The following SPATA13 variants were observed in gnomAD, a reference collection of about 807,000 sequenced individuals.
SPATA13 encodes the protein spermatogenesis-associated protein 13.
In SPATA13, 50 loss-of-function variants were observed where a neutral mutation model predicts 104.0. The observed-to-expected ratio is 0.48, with a 90% confidence interval of 0.38 to 0.61. SPATA13 has a LOEUF of 0.61. SPATA13 is among the 20% of genes least tolerant of loss of function. The pLI, the probability that SPATA13 is intolerant of heterozygous loss-of-function variation, is 0.00. For missense variants in SPATA13, 1,524 were observed against 1,690.6 expected (o/e 0.90, Z 1.73); for synonymous variants, 606 against 667.5 (o/e 0.91, Z 1.42).
chr13:24,251,899 T>C, intron 4 of SPATA13, 37 bp downstream of exon 4: 1 of 1,590,816 alleles, frequency 6.3e-7, no homozygotes, highest in Non-Finnish European at 8.6e-7. Flanking sequence ...AGAGCTGCTA[T>C]GGGCCCATCT....
At chr13:24,125,409 AG>A (rs1182732348) in intron 3 of SPATA13, among the ~76,000 whole-genome samples, 1 of 152,142 alleles carries the variant, frequency 6.6e-6, no homozygotes, top group African/African-American at 2.4e-5. Flanking sequence ...GGCAAAGCAA[AG>A]GCAGGAACCA....
In SPATA13 at chr13:24,161,510, A is replaced by G. The variant is rs1015875775; in HGVS notation, c.-112+578A>G. Among the ~76,000 whole-genome samples, 4 of 152,172 alleles carry G rather than the reference A, an allele frequency of 2.6e-5. No homozygotes were observed. The highest frequency in any genetic ancestry group is 9.7e-5 in the African/African-American group (4 of 41,430). On this transcript the variant is annotated intron_variant, in intron 1 of 12. Coordinates refer to ENST00000382108, the MANE Select transcript of SPATA13 (RefSeq NM_001166271.3). This position sits in a 1 kb window ranked among gnomAD's most constrained non-coding sequence, Gnocchi z 4.5. ...ATCGTCTGTGGACTGCAGGGAATGC[A>G]TTGGCGGAGTTGGTTTGGTCCCATT...
rs1475669838 is a variant in SPATA13 at position 24,214,744 on chromosome 13, A to T, written c.-111-8075A>T. 4.6e-5 allele frequency among the ~76,000 whole-genome samples: 7 copies of T among 151,602 alleles called. No homozygotes were observed. The East Asian group carries it at 1.4e-3, about 29-fold the overall frequency. On this transcript the variant is annotated intron_variant, in intron 1 of 12. Transcript: ENST00000382108. The stretch of plus-strand genomic sequence containing the variant: ...TGTTTCCCTCCTTAGTTGCATGGGG[A>T]CTCTCACTTCCCATTTGCTTCTGCC...
intron 3 of SPATA13, among the ~76,000 whole-genome samples, chr13:24,103,197 T>TA (rs1327364834): frequency 6.6e-6 from 1 of 151,516 alleles, no homozygotes; most frequent in Non-Finnish European, 1.5e-5. Context: ...AAATACAGAG[T>TA]AGTTATTGAC....
At chr13:24,085,333 G>A (rs757288687) in intron 3 of SPATA13, among the ~76,000 whole-genome samples, 78 of 152,174 alleles carry the variant, frequency 5.1e-4, no homozygotes, top group Non-Finnish European at 8.7e-4. Context: ...CGCCATGTTA[G>A]CCTGGCTAGT....
intron 12 of SPATA13, 46 bp downstream of exon 12, chr13:24,300,521 C>A: frequency 1.3e-6 from 2 of 1,570,696 alleles, no homozygotes; most frequent in South Asian, 1.1e-5. Flanking sequence ...TATCAGTATT[C>A]TCCTGAAAAT....
chr13:24,079,420 G>C (rs189543655), intron 3 of SPATA13, among the ~76,000 whole-genome samples: 72 of 152,330 alleles, frequency 4.7e-4, no homozygotes, highest in Non-Finnish European at 7.1e-4. Context: ...TTGCAGAGAA[G>C]TCAGAGATGG....
intron 2 of SPATA13, among the ~76,000 whole-genome samples, chr13:23,988,336 G>A (rs569486756): frequency 1.0e-3 from 157 of 152,222 alleles, no homozygotes; most frequent in African/African-American, 3.7e-3. Flanking sequence ...GGAAATTTGG[G>A]TGGTCTTCAC....
rs576460125 is a variant in SPATA13 at position 24,222,126 on chromosome 13, A to G, written c.-111-693A>G. ...CTGCACCCAACCCTGAATTTCTAATATACTTCAGCAGCATCCTCACTTCTC... is the reference window on the plus strand; with the variant it reads ...CTGCACCCAACCCTGAATTTCTAATGTACTTCAGCAGCATCCTCACTTCTC... On this transcript the variant is annotated intron_variant, in intron 1 of 12. Coordinates refer to ENST00000382108, the MANE Select transcript of SPATA13 (RefSeq NM_001166271.3). 5.3e-5 allele frequency among the ~76,000 whole-genome samples: 8 copies of G among 152,282 alleles called. No homozygotes were observed. The South Asian group carries it at 1.5e-3, about 28-fold the overall frequency.
At chr13:24,237,990 TAA>T (rs1491298873) in intron 2 of SPATA13, among the ~76,000 whole-genome samples, 4 of 142,192 alleles carry the variant, frequency 2.8e-5, no homozygotes, top group East Asian at 4.0e-4. Flanking sequence ...TAAACATGTA[TAA>T]TATATATATA....
chr13:24,024,756 G>A (rs906081584), intron 3 of SPATA13, among the ~76,000 whole-genome samples: 1 of 150,422 alleles, frequency 6.6e-6, no homozygotes, highest in Non-Finnish European at 1.5e-5. Context: ...AATAAAAATT[G>A]AAATTCAGCT....
Position 24,010,706 on chromosome 13 carries a change from C to T in SPATA13, c.-146-6961C>T, listed in dbSNP as rs187614307. Among the ~76,000 whole-genome samples, 184 of 152,130 alleles carry T rather than the reference C, an allele frequency of 1.2e-3. 5 individuals are homozygous for T. Among genetic ancestry groups the T allele is most frequent in the Admixed American group, 0.012 (184 of 15,290 alleles). ...TCCTTTCTTCCTCCCATGAATCTTCCTCCCCACTCCTCCCTCCCTCCTGCT... is the reference window on the plus strand; with the variant it reads ...TCCTTTCTTCCTCCCATGAATCTTCTTCCCCACTCCTCCCTCCCTCCTGCT... On this transcript the variant is annotated intron_variant, in intron 2 of 14. Coordinates refer to the SPATA13 transcript ENST00000424834.
At chr13:24,217,869 C>T (rs1028631850) in intron 1 of SPATA13, among the ~76,000 whole-genome samples, 2 of 152,146 alleles carry the variant, frequency 1.3e-5, no homozygotes, top group Admixed American at 6.5e-5. Flanking sequence ...TGGCAACTCC[C>T]TTCCCCCAAC....
chr13:24,213,426 C>T (rs1192418214), intron 1 of SPATA13, among the ~76,000 whole-genome samples: 1 of 152,066 alleles, frequency 6.6e-6, no homozygotes, highest in East Asian at 1.9e-4. Flanking sequence ...GCCACCATGC[C>T]CGGCTAATTT....
At chr13:24,178,327 T>C (rs535713978) in intron 1 of SPATA13, among the ~76,000 whole-genome samples, 1 of 152,348 alleles carries the variant, frequency 6.6e-6, no homozygotes, top group South Asian at 2.1e-4. Context: ...CAGAAATGTA[T>C]TGAACTGCAT....
At chr13:24,273,409 GT>G (rs1387660972) in intron 4 of SPATA13, among the ~76,000 whole-genome samples, 2 of 152,212 alleles carry the variant, frequency 1.3e-5, no homozygotes, top group Non-Finnish European at 2.9e-5. Context: ...TAATATGTCA[GT>G]TTCTAGGATT....
chr13:24,160,533 T>C (rs1231870009), upstream of SPATA13, among the ~76,000 whole-genome samples: 1 of 152,212 alleles, frequency 6.6e-6, no homozygotes, highest in Non-Finnish European at 1.5e-5. Context: ...CAAGAGCCAC[T>C]GCGCCTGGCC....
At chr13:24,247,319 A>G (rs1387250533) in intron 2 of SPATA13, among the ~76,000 whole-genome samples, 1 of 152,036 alleles carries the variant, frequency 6.6e-6, no homozygotes, top group Non-Finnish European at 1.5e-5. Context: ...AAAAGAACTC[A>G]CGAAGCCCAT....
intron 1 of SPATA13, among the ~76,000 whole-genome samples, chr13:24,185,183 T>C (rs976214553): frequency 1.3e-5 from 2 of 152,244 alleles, no homozygotes; most frequent in African/African-American, 2.4e-5. Flanking sequence ...ATTTTTGTGC[T>C]GCTGAGTAGA....
Sources: gnomAD v4.1 joint callset for allele counts (sites outside exome capture counted in the v4.1 genomes callset) on GRCh38, gnomAD v4.1.1 for gene constraint, Gnocchi (gnomAD v3.1) non-coding constraint, MANE v1.5 for transcripts, NCBI Gene and HGNC (gene_info 2026-07-23, HGNC 2026-07-21) for gene names.